The following FER variants were observed in gnomAD, a reference collection of about 807,000 sequenced individuals.
FER encodes the protein FER tyrosine kinase, also known as tyrosine-protein kinase Fer.
Under a neutral mutation model 111.0 loss-of-function variants are expected in FER, and 63 were observed. The observed-to-expected ratio is 0.57, with a 90% CI of 0.46 to 0.70. The LOEUF (loss-of-function observed/expected upper bound fraction) is 0.70. Among genes scored for constraint, FER ranks in the 30% least tolerant of loss-of-function variants. The probability of loss-of-function intolerance (pLI) is 0.00; values close to 1 mark genes in which losing one functional copy is unlikely to be tolerated. For synonymous variants in FER, 327 were observed against 313.9 expected (o/e 1.04, Z -0.44); for missense variants, 914 against 954.0 (o/e 0.96, Z 0.55).
chr5:108,974,325 G>A (rs1262011525), intron 13 of FER, among the ~76,000 whole-genome samples: 2 of 152,152 alleles, frequency 1.3e-5, no homozygotes, highest in South Asian at 4.1e-4. Context: ...AAGGACAAAA[G>A]GTGGGCTGAG....
At chr5:108,767,279 G>A (rs1275334526) in intron 1 of FER, among the ~76,000 whole-genome samples, 8 of 152,116 alleles carry the variant, frequency 5.3e-5, no homozygotes, top group Admixed American at 2.6e-4. Context: ...CTCCAGCTTG[G>A]GTGACAGAGT....
chr5:108,832,750 CTTTT>C lies in FER; in HGVS notation c.208-7_208-4del, dbSNP rs376837075. 7.0e-5 allele frequency: 90 copies of C among 1,283,184 alleles called. No homozygotes were observed. Among genetic ancestry groups the C allele is most frequent in the South Asian group, 4.2e-4 (20 of 47,618 alleles). 79.5% of individuals were successfully genotyped at this position (1,283,184 alleles called of 1,614,324 possible). On this transcript the variant is annotated splice_polypyrimidine_tract_variant and intron_variant, in intron 3 of 19. Coordinates refer to ENST00000281092, the MANE Select transcript of FER (RefSeq NM_005246.4). ...AAACCTTTAATGCAAATGTTTGTTT[CTTTT>C]TTTTTTTTTTTTAAGTCTTGGCTAC...
At chr5:108,987,414 C>A (rs965430022) in intron 13 of FER, among the ~76,000 whole-genome samples, 3 of 151,990 alleles carry the variant, frequency 2.0e-5, no homozygotes, top group Non-Finnish European at 4.4e-5. Flanking sequence ...CCCTTGTACT[C>A]CAGCCTGGGC....
At chr5:108,847,712 G>A (rs981593789) in intron 5 of FER, among the ~76,000 whole-genome samples, 3 of 152,050 alleles carry the variant, frequency 2.0e-5, no homozygotes, top group Non-Finnish European at 4.4e-5. Flanking sequence ...GCATTTATGA[G>A]TATTATATTC....
At chr5:109,058,719 TC>T in intron 16 of FER, among the ~76,000 whole-genome samples, 1 of 137,552 alleles carries the variant, frequency 7.3e-6, no homozygotes, top group Admixed American at 7.3e-5. Context: ...TTTCTTTCTT[TC>T]TTTCTTTTTT....
chr5:109,116,591 A>G (rs901146183), intron 17 of FER, among the ~76,000 whole-genome samples: 1 of 152,150 alleles, frequency 6.6e-6, no homozygotes, highest in Non-Finnish European at 1.5e-5. Context: ...GCATCAAGTT[A>G]TTCATTTAAA....
chr5:108,846,426 T>C (rs1041364417), intron 5 of FER, among the ~76,000 whole-genome samples: 1 of 151,726 alleles, frequency 6.6e-6, no homozygotes, highest in Non-Finnish European at 1.5e-5. Flanking sequence ...ACCTTGTCTC[T>C]GGAAAAAAAA....
In FER at chr5:109,031,673, A is replaced by G. The variant is rs73781923; in HGVS notation, c.1657-5749A>G. Among the ~76,000 whole-genome samples, 1,007 of 152,096 alleles carry G rather than the reference A, an allele frequency of 6.6e-3. 12 individuals are homozygous for G. The highest frequency in any genetic ancestry group is 0.023 in the African/African-American group (942 of 41,494). On this transcript the variant is annotated intron_variant, in intron 13 of 19. Coordinates refer to ENST00000281092, the MANE Select transcript of FER (RefSeq NM_005246.4). ...TTGCCTTCACTCTTCTTGTGTATTC[A>G]CTCTATCTAGAAGATTTCTACTTCT...
At chr5:109,083,834 T>A (rs534859274) in intron 16 of FER, among the ~76,000 whole-genome samples, 1 of 152,096 alleles carries the variant, frequency 6.6e-6, no homozygotes, top group African/African-American at 2.4e-5. Context: ...TGACAACCTA[T>A]TCTGTGTGCA....
At chr5:108,938,258 G>A (rs1755792631) in intron 10 of FER, among the ~76,000 whole-genome samples, 1 of 151,826 alleles carries the variant, frequency 6.6e-6, no homozygotes, top group African/African-American at 2.4e-5. Context: ...AAAAAGGAAG[G>A]AGATTATAAT....
intron 3 of FER, among the ~76,000 whole-genome samples, chr5:108,828,273 G>A (rs1337436153): frequency 6.6e-6 from 1 of 151,994 alleles, no homozygotes; most frequent in Non-Finnish European, 1.5e-5. Flanking sequence ...TAATTCAGGA[G>A]GTATAAATAG....
At chr5:108,749,924 T>C (rs548315363) in intron 1 of FER, among the ~76,000 whole-genome samples, 2 of 152,368 alleles carry the variant, frequency 1.3e-5, no homozygotes, top group South Asian at 4.1e-4. Flanking sequence ...CGTTTGCGAT[T>C]TTGCCATCCA....
chr5:109,131,283 T>C (rs1752332016), intron 17 of FER, among the ~76,000 whole-genome samples: 1 of 152,174 alleles, frequency 6.6e-6, no homozygotes, highest in Non-Finnish European at 1.5e-5. Flanking sequence ...GCTGATTTTA[T>C]TTTTAAAGAT....
intron 17 of FER, among the ~76,000 whole-genome samples, chr5:109,147,930 C>A (rs545689443): frequency 1.8e-4 from 27 of 151,524 alleles, no homozygotes; most frequent in South Asian, 2.1e-4. Flanking sequence ...CAATCACTTT[C>A]GTAACTAGAG....
At chr5:109,157,439 GTCT>G (rs1247677116) in intron 17 of FER, among the ~76,000 whole-genome samples, 2 of 151,776 alleles carry the variant, frequency 1.3e-5, no homozygotes, top group Non-Finnish European at 2.9e-5. Context: ...GTAAACCATT[GTCT>G]TCTTGTTGGA....
At position 108,867,873 on chromosome 5, in the gene FER, G is replaced by A. The variant is rs768047192; in HGVS notation, c.588G>A (p.Gln196=). 6.8e-6 allele frequency: 11 copies of A among 1,612,782 alleles called. No homozygotes were observed. In the African/African-American group the frequency reaches 1.2e-4, roughly 18 times the overall value. The change falls in exon 6 of 20, where the codon CAG becomes CAA. Residue 196 remains glutamine, a synonymous_variant. Transcript: ENST00000281092. ...VLALKGAQLH[Q]NQYYDITLPL... ...CGTTGAAAGGGGCACAGCTCCATCA[G>A]AATCAGTATTATGATATCACACTTC...
chr5:108,790,670 A>G (rs1755265945), intron 2 of FER, among the ~76,000 whole-genome samples: 2 of 152,196 alleles, frequency 1.3e-5, no homozygotes, highest in South Asian at 4.1e-4. Context: ...ACTATTATTT[A>G]TAACCAAAGA....
chr5:108,867,922 A>G lies in FER; in HGVS notation c.637A>G (p.Lys213Glu). The stretch of plus-strand genomic sequence containing the variant: ...TCCCCTGCTTCTGGACTCCTTACAA[A>G]AGATGCAAGAAGAAATGATAAAAGC... ...TLPLLLDSLQ[K>E]MQEEMIKALK... Residue 213 changes from lysine to glutamate, a missense_variant, in exon 6 of 20, where the codon AAG (lysine) becomes GAG (glutamate). Coordinates refer to ENST00000281092, the MANE Select transcript of FER (RefSeq NM_005246.4). The G allele has an allele frequency of 6.2e-7, 1 of 1,607,948 alleles. No individual in the cohort carries two copies. Among genetic ancestry groups the G allele is most frequent in the Non-Finnish European group, 8.5e-7 (1 of 1,178,212 alleles).
intron 5 of FER, among the ~76,000 whole-genome samples, chr5:108,860,918 A>T (rs889581931): frequency 7.9e-5 from 12 of 152,250 alleles, no homozygotes; most frequent in African/African-American, 2.9e-4. Context: ...AGTAGGGAAA[A>T]CTGCCTTGTA....
Sources: gnomAD v4.1 joint callset for allele counts (sites outside exome capture counted in the v4.1 genomes callset) on GRCh38, gnomAD v4.1.1 for gene constraint, MANE v1.5 for transcripts, NCBI Gene and HGNC (gene_info 2026-07-23, HGNC 2026-07-21) for gene names.